Variants in SLC25A53 observed in about 807,000 individuals in gnomAD.
SLC25A53 encodes mitochondrial carrier triple repeat protein 6.
A neutral mutation model predicts 15.0 loss-of-function variants in SLC25A53; 5 were observed. That is an observed-to-expected ratio of 0.33 (90% CI 0.17 to 0.70). The LOEUF is 0.70. SLC25A53 is among the 30% of genes least tolerant of loss of function. The pLI is 0.67. For synonymous variants in SLC25A53, 95 were observed against 100.0 expected, an observed-to-expected ratio of 0.95 and a Z score of 0.30; for missense variants, 216 against 241.6, an observed-to-expected ratio of 0.89 and a Z score of 0.70.
At chrX:104,143,944 T>C (rs1280712890) in intron 1 of SLC25A53, among the ~76,000 whole-genome samples, 7 of 111,821 alleles carry the variant, frequency 6.3e-5, no homozygotes, top group Non-Finnish European at 5.6e-5. Context: ...GGGGCCAATA[T>C]TCAACATTCT....
At chrX:104,127,145 C>T (rs943750216) in intron 1 of SLC25A53, among the ~76,000 whole-genome samples, 54 of 112,370 alleles carry the variant, frequency 4.8e-4, no homozygotes, top group African/African-American at 1.7e-3. Context: ...CTGGTCTATC[C>T]ACCCAAGGGA....
chrX:104,113,919 G>T (rs2075362269), intron 1 of SLC25A53: 3 of 603,091 alleles, frequency 5.0e-6, no homozygotes, highest in Non-Finnish European at 7.5e-6. Context: ...TATTCAGGAA[G>T]ATAGAGAATG....
At chrX:104,155,421 T>G (rs112796000) in intron 1 of SLC25A53, among the ~76,000 whole-genome samples, 56 of 111,631 alleles carry the variant, frequency 5.0e-4, no homozygotes, top group African/African-American at 1.8e-3. Context: ...GGCAACTCTG[T>G]GGATGGGACC....
intron 1 of SLC25A53, among the ~76,000 whole-genome samples, 179 bp downstream of exon 1, chrX:104,156,699 C>T (rs1261094790): frequency 2.7e-5 from 3 of 110,104 alleles, no homozygotes; most frequent in African/African-American, 9.9e-5. Flanking sequence ...ACAGTTGACA[C>T]GCCCCTTAAT....
chrX:104,122,474 AACT>A (rs2075398201), intron 1 of SLC25A53, among the ~76,000 whole-genome samples: 1 of 109,339 alleles, frequency 9.1e-6, no homozygotes, highest in Non-Finnish European at 1.9e-5. Flanking sequence ...CCACAGCCCC[AACT>A]ACTTTCCCTT....
chrX:104,115,176 G>C, intron 1 of SLC25A53: 1 of 1,209,685 alleles, frequency 8.3e-7, no homozygotes, highest in African/African-American at 1.7e-5. Context: ...GTGGGGAGGA[G>C]GGCCACTCAA....
chrX:104,130,734 A>G (rs1000501928), intron 1 of SLC25A53: 4 of 110,352 alleles, frequency 3.6e-5, no homozygotes, highest in African/African-American at 1.3e-4. Flanking sequence ...CTTCCCCATC[A>G]GCATATGCAC....
chrX:104,104,792 T>C lies in SLC25A53; in HGVS notation c.466A>G (p.Ser156Gly), dbSNP rs1556354989. The change falls in exon 2 of 2, where the codon AGC becomes GGC. Residue 156 changes from serine to glycine, a missense_variant. Coordinates refer to ENST00000594199, the MANE Select transcript of SLC25A53 (RefSeq NM_001012755.5). The part of the protein sequence containing the change: ...RKQARFPSTF[S>G]ILKEFNSYGL... ...TAAGAATTGAATTCCTTGAGAATGCTGAAGGTGCTGGGGAAGCGAGCTTGC... is the reference window on the plus strand; with the variant it reads ...TAAGAATTGAATTCCTTGAGAATGCCGAAGGTGCTGGGGAAGCGAGCTTGC... The C allele has an allele frequency of 2.5e-6, 3 of 1,211,714 alleles. No individual in the cohort carries two copies. The highest frequency in any genetic ancestry group is 3.4e-6 in the Non-Finnish European group (3 of 895,515).
chrX:104,114,158 C>A, intron 1 of SLC25A53: 1 of 1,210,638 alleles, frequency 8.3e-7, no homozygotes, highest in Non-Finnish European at 1.1e-6. Context: ...CAGCAGAATG[C>A]ACCTTTGCCG....
intron 1 of SLC25A53, among the ~76,000 whole-genome samples, chrX:104,105,708 C>T (rs1410059222): frequency 8.9e-6 from 1 of 112,271 alleles, no homozygotes; most frequent in Non-Finnish European, 1.9e-5. Context: ...GGCAGAAAGG[C>T]ATTTAACAGT....
At chrX:104,127,702 G>A (rs1159113120) in intron 1 of SLC25A53, among the ~76,000 whole-genome samples, 2 of 112,038 alleles carry the variant, frequency 1.8e-5, no homozygotes, top group East Asian at 2.8e-4. Context: ...GGTGGCTCAC[G>A]CCTGTAATCC....
chrX:104,150,184 G>A (rs1227024055), intron 1 of SLC25A53, among the ~76,000 whole-genome samples: 3 of 105,429 alleles, frequency 2.8e-5, no homozygotes, highest in Non-Finnish European at 5.8e-5. Flanking sequence ...AGTGAGCTGA[G>A]ATCGCACCAC....
At chrX:104,119,535 T>C (rs1278220966) in intron 1 of SLC25A53, among the ~76,000 whole-genome samples, 1 of 111,669 alleles carries the variant, frequency 9.0e-6, no homozygotes, top group African/African-American at 3.3e-5. Flanking sequence ...CAAATCTGTA[T>C]TGTGTTTAGA....
intron 1 of SLC25A53, among the ~76,000 whole-genome samples, chrX:104,109,439 A>G (rs1482910898): frequency 8.9e-6 from 1 of 112,527 alleles, no homozygotes. Flanking sequence ...GAGACAAAGT[A>G]TGGAAAGTGC....
chrX:104,132,591 A>T (rs782468039), intron 1 of SLC25A53, among the ~76,000 whole-genome samples: 1 of 111,951 alleles, frequency 8.9e-6, no homozygotes, highest in East Asian at 2.8e-4. Context: ...TATCAAATCC[A>T]TCCTCCTTCA....
At position 104,104,862 on chromosome X, in the gene SLC25A53, G is replaced by C. The variant is rs1556355081; in HGVS notation, c.396C>G (p.Leu132=). 8.3e-7 allele frequency: 1 copy of C among 1,211,965 alleles called. No individual in the cohort carries two copies. Among genetic ancestry groups the C allele is most frequent in the East Asian group, 3.0e-5 (1 of 33,839 alleles). ...CATTTTGCACCCTTTCAAAGGGGCT[G>C]AGTGCCACGGCCTCCACCACGCCAG... ...LMSGVVEAVA[L]SPFERVQNVL... Residue 132 remains leucine (L), a synonymous_variant, in exon 2 of 2, where the codon CTC becomes CTG. Transcript: ENST00000594199.
At chrX:104,115,555 T>C (rs1053061186) in intron 1 of SLC25A53, 6 of 323,775 alleles carry the variant, frequency 1.9e-5, no homozygotes, top group Non-Finnish European at 2.8e-5. Flanking sequence ...TCTATTTCTT[T>C]GATGACTTTA....
intron 1 of SLC25A53, among the ~76,000 whole-genome samples, chrX:104,146,245 A>T (rs1365577621): frequency 8.9e-6 from 1 of 112,169 alleles, no homozygotes; most frequent in Non-Finnish European, 1.9e-5. Flanking sequence ...GCCTTTAACA[A>T]AATTCAACAG....
intron 1 of SLC25A53, chrX:104,114,383 G>A (rs2075365708): frequency 8.3e-7 from 1 of 1,210,073 alleles, no homozygotes; most frequent in Non-Finnish European, 1.1e-6. Flanking sequence ...AAAACACTTA[G>A]GGGCCCTGCC....
Sources: allele counts gnomAD v4.1 joint callset (sites outside exome capture counted in the v4.1 genomes callset), GRCh38; gene constraint gnomAD v4.1.1; transcripts MANE v1.5; gene names NCBI Gene and HGNC (gene_info 2026-07-23, HGNC 2026-07-21).